ALDH6A1: variants seen among roughly 807,000 people sequenced by gnomAD.
ALDH6A1 encodes the protein aldehyde dehydrogenase 6 family member A1.
A neutral mutation model predicts 62.6 loss-of-function variants in ALDH6A1; 43 were observed. That is an observed-to-expected ratio of 0.69 (90% CI 0.54 to 0.89). The LOEUF (loss-of-function observed/expected upper bound fraction) is 0.89, where lower values mean the gene tolerates loss of function less well. ALDH6A1 is among the 40% of genes least tolerant of loss of function. The pLI is 0.00. For synonymous variants in ALDH6A1, 194 were observed against 234.2 expected (o/e 0.83, Z 1.57); for missense variants, 551 against 661.3 (o/e 0.83, Z 1.83).
chr14:74,071,929 C>CT lies in ALDH6A1; in HGVS notation c.393dup (p.Ala132SerfsTer2). The CT allele has an allele frequency of 6.2e-7, 1 of 1,614,214 alleles. No individual in the cohort carries two copies. The highest frequency in any genetic ancestry group is 1.1e-5 in the South Asian group (1 of 91,084). Reference sequence around the variant, plus strand: ...CGAAATACATCTCCTTCAGCATCAGCTAGGGTCTTCCCTTGTTCCAATGTG... The same window carrying CT: ...CGAAATACATCTCCTTCAGCATCAGCTTAGGGTCTTCCCTTGTTCCAATGTG... On this transcript the variant is annotated frameshift_variant, in exon 5 of 12. Transcript: ENST00000553458. LOFTEE classifies it high-confidence loss of function.
At chr14:74,077,292 T>C (rs890889036) in intron 1 of ALDH6A1, among the ~76,000 whole-genome samples, 2 of 152,222 alleles carry the variant, frequency 1.3e-5, no homozygotes, top group Non-Finnish European at 2.9e-5. Context: ...TTTTGTCCTC[T>C]GAAAGCAGCC....
intron 11 of ALDH6A1, among the ~76,000 whole-genome samples, chr14:74,064,123 C>A (rs1044698752): frequency 6.6e-6 from 1 of 151,440 alleles, no homozygotes. Flanking sequence ...CATGGTGAAA[C>A]CCTGTCTCTA....
chr14:74,067,835 G>T (rs750579620), intron 7 of ALDH6A1, among the ~76,000 whole-genome samples: 3 of 152,000 alleles, frequency 2.0e-5, no homozygotes, highest in Non-Finnish European at 2.9e-5. Flanking sequence ...TGAGGTAGGG[G>T]GACCACTTGA....
chr14:74,064,980 A>G (rs1269002476), intron 10 of ALDH6A1, 60 bp from the exon 11 acceptor site: 2 of 1,520,422 alleles, frequency 1.3e-6, no homozygotes, highest in Non-Finnish European at 1.8e-6. Flanking sequence ...ATTTAGAAAC[A>G]CAAAGGCATC....
At chr14:74,078,429 C>G (rs2060636744) in intron 1 of ALDH6A1, 2 of 298,606 alleles carry the variant, frequency 6.7e-6, no homozygotes, top group South Asian at 5.8e-5. Flanking sequence ...TCATAGCTCA[C>G]TGCAGCCTCC....
At position 74,059,985 on chromosome 14, in the gene ALDH6A1, G is replaced by C. The variant is rs562265746; in HGVS notation, c.*657C>G. On this transcript the variant is annotated 3_prime_UTR_variant, in exon 12 of 12. Coordinates refer to ENST00000553458, the MANE Select transcript of ALDH6A1 (RefSeq NM_005589.4). ...AAAAATGGATTATATCTTGTGTATT[G>C]TGGGATAAAAGAGGGGCTAAAGAAA... The C allele has an allele frequency of 5.8e-5, 9 of 154,694 alleles. No homozygotes were observed. The highest frequency in any genetic ancestry group is 1.9e-4 in the African/African-American group (8 of 41,572). The allele number at this position is 154,694 out of a possible 1,614,324, so 9.6% of individuals were successfully genotyped here.
intron 11 of ALDH6A1, 38 bp downstream of exon 11, chr14:74,064,784 C>T: frequency 6.2e-7 from 1 of 1,612,440 alleles, no homozygotes; most frequent in Non-Finnish European, 8.5e-7. Context: ...AAGAAAATTT[C>T]TTAAAGGAAA....
Position 74,057,392 on chromosome 14 carries a change from T to A in ALDH6A1, c.*3250A>T. ...TCAGTGGAATGAGTAATAAATAGCA[T>A]TAGTAGATTACATAAATTTTTAAAG... On this transcript the variant is annotated 3_prime_UTR_variant, in exon 12 of 12. Transcript: ENST00000553458. 7.1e-6 allele frequency: 11 copies of A among 1,539,214 alleles called. No homozygotes were observed. The highest frequency in any genetic ancestry group is 8.7e-6 in the Non-Finnish European group (10 of 1,144,552).
rs141160498 is a variant in ALDH6A1 at position 74,064,781 on chromosome 14, T to C, written c.1503+41A>G. On this transcript the variant is annotated intron_variant, in intron 11 of 11. Transcript: ENST00000553458. Reference sequence around the variant, plus strand: ...TTGCTCCTGAATATCTTTAAGAAAATTTCTTAAAGGAAAAGACAAAAAATT... The same window carrying C: ...TTGCTCCTGAATATCTTTAAGAAAACTTCTTAAAGGAAAAGACAAAAAATT... 1,982 of 1,612,506 alleles carry C rather than the reference T, an allele frequency of 1.2e-3. 12 individuals are homozygous for C. The African/African-American group carries it at 0.015, about 12-fold the overall frequency.
chr14:74,078,196 A>G (rs2060633865), intron 1 of ALDH6A1: 1 of 455,932 alleles, frequency 2.2e-6, no homozygotes, highest in South Asian at 1.5e-5. Flanking sequence ...CTTACTTCAG[A>G]GCACACAGAA....
At chr14:74,062,594 C>T (rs2060372421) in intron 11 of ALDH6A1, among the ~76,000 whole-genome samples, 1 of 151,998 alleles carries the variant, frequency 6.6e-6, no homozygotes, top group African/African-American at 2.4e-5. Context: ...GAGAAAGATT[C>T]CATCAAAAAA....
At chr14:74,071,082 T>A (rs1440391781) in intron 6 of ALDH6A1, 113 bp downstream of exon 6, 1 of 1,085,162 alleles carries the variant, frequency 9.2e-7, no homozygotes, top group African/African-American at 1.6e-5. Context: ...TTAAAATGAG[T>A]AAATCCTTTC....
chr14:74,064,794 A>G (rs758553673), intron 11 of ALDH6A1, 28 bp downstream of exon 11: 2 of 1,613,178 alleles, frequency 1.2e-6, no homozygotes, highest in Admixed American at 1.7e-5. Flanking sequence ...CTTAAAGGAA[A>G]AGACAAAAAA....
Position 74,071,186 on chromosome 14 carries a change from G to A in ALDH6A1, c.730+9C>T, listed in dbSNP as rs1436228263. On this transcript the variant is annotated intron_variant, in intron 6 of 11. Transcript: ENST00000553458. ...CAGATTAAGTAGCCATATGCATAAGGGCAGTTACCTTCATGCTGTCCATGG... is the reference window on the plus strand; with the variant it reads ...CAGATTAAGTAGCCATATGCATAAGAGCAGTTACCTTCATGCTGTCCATGG... The A allele has an allele frequency of 4.3e-6, 7 of 1,612,710 alleles. No homozygotes were observed. Among genetic ancestry groups the A allele is most frequent in the Non-Finnish European group, 5.9e-6 (7 of 1,178,814 alleles).
intron 1 of ALDH6A1, among the ~76,000 whole-genome samples, chr14:74,080,112 T>C (rs950480443): frequency 6.6e-6 from 1 of 152,144 alleles, no homozygotes; most frequent in Non-Finnish European, 1.5e-5. Context: ...CTATGCCTCC[T>C]ATAGCCCACC....
intron 7 of ALDH6A1, among the ~76,000 whole-genome samples, chr14:74,068,501 G>A (rs954447562): frequency 1.3e-5 from 2 of 152,220 alleles, no homozygotes; most frequent in Non-Finnish European, 2.9e-5. Flanking sequence ...AGCACTTTGG[G>A]AGGCCGAGGC....
intron 5 of ALDH6A1, 142 bp downstream of exon 5, chr14:74,071,754 G>A: frequency 1.4e-6 from 2 of 1,438,892 alleles, no homozygotes; most frequent in South Asian, 1.2e-5. Flanking sequence ...ACTGAATACT[G>A]CCATTTTTCA....
chr14:74,067,800 C>T (rs1243018274), intron 7 of ALDH6A1, among the ~76,000 whole-genome samples: 1 of 152,038 alleles, frequency 6.6e-6, no homozygotes, highest in Non-Finnish European at 1.5e-5. Flanking sequence ...TGGCACCAGT[C>T]TGTGGTCCCA....
Position 74,056,847 on chromosome 14 carries a change from T to C in ALDH6A1, c.*3795A>G, listed in dbSNP as rs2060222823. On this transcript the variant is annotated 3_prime_UTR_variant, in exon 12 of 12. Coordinates refer to ENST00000553458, the MANE Select transcript of ALDH6A1 (RefSeq NM_005589.4). ...AAAATTAAAATACAAAAAGAAAATA[T>C]GAAGGCATGAGGAGACACTGCCTCA... 6.3e-6 allele frequency: 7 copies of C among 1,117,990 alleles called. No individual in the cohort carries two copies. The highest frequency in any genetic ancestry group is 9.2e-6 in the Non-Finnish European group (7 of 759,564). 69.3% of individuals were successfully genotyped at this position (1,117,990 alleles called of 1,614,324 possible). A position where few individuals can be genotyped will look rare whatever the true frequency, so the allele number is the denominator to read the frequency against.
Sources: allele counts gnomAD v4.1 joint callset (sites outside exome capture counted in the v4.1 genomes callset), GRCh38; gene constraint gnomAD v4.1.1; transcripts MANE v1.5; gene names NCBI Gene and HGNC (gene_info 2026-07-23, HGNC 2026-07-21).